MYH11: variants seen among roughly 807,000 people sequenced by gnomAD.
MYH11 encodes myosin heavy chain 11, also known as myosin-11.
MYH11 carries 80 observed loss-of-function variants against 246.6 expected under a neutral mutation model. The observed-to-expected ratio is 0.32, with a 90% confidence interval of 0.27 to 0.39. The LOEUF (loss-of-function observed/expected upper bound fraction) is 0.39. Among genes scored for constraint, MYH11 ranks in the 10% least tolerant of loss-of-function variants. The probability of loss-of-function intolerance (pLI) is 1.00; values close to 1 mark genes in which losing one functional copy is unlikely to be tolerated. For synonymous variants in MYH11, 1,071 were observed against 1,015.5 expected (o/e 1.05, Z -1.04); for missense variants, 2,158 against 2,546.8 (o/e 0.85, Z 3.29).
intron 9 of MYH11, among the ~76,000 whole-genome samples, chr16:15,769,166 AT>A (rs2042045025): frequency 6.6e-6 from 1 of 152,046 alleles, no homozygotes; most frequent in South Asian, 2.1e-4. Context: ...TACAAAAAAA[AT>A]TAGTGGGGCA....
chr16:15,723,197 G>GTAAGT (rs1363069321), intron 31 of MYH11, among the ~76,000 whole-genome samples: 1 of 152,158 alleles, frequency 6.6e-6, no homozygotes, highest in Non-Finnish European at 1.5e-5. Context: ...CTCATCACAT[G>GTAAGT]TAAGTTTTAC....
chr16:15,718,143 C>T (rs905217721), intron 37 of MYH11, 172 bp downstream of exon 37: 4 of 1,009,942 alleles, frequency 4.0e-6, no homozygotes, highest in Admixed American at 4.1e-5. Flanking sequence ...AAGACAGCAG[C>T]CTGGGCACTG....
chr16:15,726,528 G>A (rs1237668021), intron 28 of MYH11: 6 of 428,894 alleles, frequency 1.4e-5, no homozygotes, highest in Non-Finnish European at 2.6e-5. Flanking sequence ...CCACGACCAC[G>A]CCTGGCTAAT....
rs1555457897 is a variant in MYH11, at chr16:15,828,803, A to AAGAAG, written c.346-5393_346-5392insCTTCT. ...GTGAGACTCTAAAAAAAAAAAAAAA[A>AAGAAG]GAAGGAAGGAAGGAAGGAAAGTAAG... On this transcript the variant is annotated intron_variant, in intron 2 of 40. Coordinates refer to ENST00000300036, the MANE Select transcript of MYH11 (RefSeq NM_002474.3). 1.5e-3 allele frequency among the ~76,000 whole-genome samples: 220 copies of AAGAAG among 143,714 alleles called. 3 individuals carry two copies. The South Asian group carries it at 0.02, about 13-fold the overall frequency. The allele number at this position is 143,714 out of a possible 152,430, so 94.3% of individuals were successfully genotyped here.
intron 12 of MYH11, among the ~76,000 whole-genome samples, chr16:15,759,034 G>A (rs2151276242): frequency 6.6e-6 from 1 of 151,844 alleles, no homozygotes; most frequent in South Asian, 2.1e-4. Context: ...CAAACCCATG[G>A]GTAAAGGATC....
chr16:15,728,481 C>A (rs545712114), intron 27 of MYH11, among the ~76,000 whole-genome samples: 32 of 152,302 alleles, frequency 2.1e-4, no homozygotes, highest in African/African-American at 7.5e-4. Flanking sequence ...GGGGCAGTCA[C>A]CTTTCACCGC....
chr16:15,835,744 CTATTT>C (rs779708630), intron 2 of MYH11, among the ~76,000 whole-genome samples: 29 of 130,904 alleles, frequency 2.2e-4, no homozygotes, highest in Admixed American at 8.3e-4. Context: ...GAAGCTGGTA[CTATTT>C]TTTTTTTTTT....
intron 14 of MYH11, among the ~76,000 whole-genome samples, chr16:15,753,785 C>T (rs1443150452): frequency 6.6e-6 from 1 of 152,134 alleles, no homozygotes; most frequent in East Asian, 1.9e-4. Flanking sequence ...GTGGTAGCCT[C>T]CCTCCTCCTA....
At chr16:15,829,452 C>T (rs144512921) in intron 2 of MYH11, among the ~76,000 whole-genome samples, 9 of 152,294 alleles carry the variant, frequency 5.9e-5, no homozygotes, top group East Asian at 1.9e-4. Context: ...GCACATCTCA[C>T]GGCAGGGTCG....
intron 5 of MYH11, among the ~76,000 whole-genome samples, chr16:15,783,904 C>T (rs960445793): frequency 6.6e-6 from 1 of 152,150 alleles, no homozygotes; most frequent in Non-Finnish European, 1.5e-5. Flanking sequence ...TGATCTGCAA[C>T]ACAGTCACCC....
intron 3 of MYH11, among the ~76,000 whole-genome samples, chr16:15,822,091 C>A (rs216153): frequency 0.94 from 142,970 of 152,284 alleles, 67,255 homozygotes; most frequent in East Asian, 1. Context: ...GAGTCTGGCT[C>A]ACTGTCAGAA....
chr16:15,717,173 G>T lies in MYH11; in HGVS notation c.5471C>A (p.Ala1824Glu). The part of the protein sequence containing the change: ...STIAALEAKI[A>E]QLEEQVEQEA... ...CTGCTCGACCTGCTCCTCCAGCTGT[G>T]CAATCTTGGCCTCCAGCGCCGCGAT... The change falls in exon 38 of 41, where the codon GCA becomes GAA. Residue 1824 changes from alanine to glutamate, a missense_variant. Ala to Glu is a moderately radical substitution (Grantham distance 107). Transcript: ENST00000300036. 1 of 1,614,210 alleles carries T rather than the reference G, an allele frequency of 6.2e-7. No homozygotes were observed. The highest frequency in any genetic ancestry group is 8.5e-7 in the Non-Finnish European group (1 of 1,180,038).
chr16:15,727,956 G>A (rs1245170825), intron 27 of MYH11, among the ~76,000 whole-genome samples: 2 of 152,176 alleles, frequency 1.3e-5, no homozygotes, highest in Non-Finnish European at 2.9e-5. Flanking sequence ...GGGCAACAAA[G>A]TGAGACCCTG....
chr16:15,780,474 CTTTTT>C (rs71134460), intron 6 of MYH11, among the ~76,000 whole-genome samples: 3 of 69,000 alleles, frequency 4.3e-5, no homozygotes, highest in African/African-American at 6.1e-5. Flanking sequence ...GATTTTTACG[CTTTTT>C]TTTTTTTTTT....
chr16:15,717,330 C>G lies in MYH11; in HGVS notation c.5314G>C (p.Glu1772Gln), dbSNP rs369969369. ...ATQQAEQLSNELATERSTAQK... is the reference protein window; with the variant it reads ...ATQQAEQLSNQLATERSTAQK... Reference sequence around the variant, plus strand: ...GCCGTGCTGCGCTCTGTGGCCAGCTCGTTGCTGAGCTGCTCGGCCTGGGGA... The same window carrying G: ...GCCGTGCTGCGCTCTGTGGCCAGCTGGTTGCTGAGCTGCTCGGCCTGGGGA... The change falls in exon 38 of 41, where the codon GAG (glutamate) becomes CAG (glutamine). Residue 1772 changes from glutamate to glutamine, a missense_variant. Coordinates refer to ENST00000300036, the MANE Select transcript of MYH11 (RefSeq NM_002474.3). The G allele has an allele frequency of 3.7e-6, 6 of 1,609,030 alleles. No homozygotes were observed. Among genetic ancestry groups the G allele is most frequent in the East Asian group, 4.5e-5 (2 of 44,872 alleles).
At chr16:15,793,748 T>G (rs2042674150) in intron 4 of MYH11, among the ~76,000 whole-genome samples, 1 of 147,548 alleles carries the variant, frequency 6.8e-6, no homozygotes, top group Non-Finnish European at 1.5e-5. Context: ...GCCTCCTGAA[T>G]AGCTGGGACT....
At chr16:15,807,234 C>T (rs929346486) in intron 3 of MYH11, among the ~76,000 whole-genome samples, 2 of 152,102 alleles carry the variant, frequency 1.3e-5, no homozygotes, top group African/African-American at 4.8e-5. Context: ...CTCAAGTGAT[C>T]CTCCCGCCTT....
At chr16:15,830,714 C>T (rs1211154610) in intron 2 of MYH11, among the ~76,000 whole-genome samples, 1 of 151,814 alleles carries the variant, frequency 6.6e-6, no homozygotes, top group African/African-American at 2.4e-5. Context: ...CCCATCTTTA[C>T]AAAAAATACA....
At chr16:15,849,997 G>A (rs1027991019) in intron 1 of MYH11, among the ~76,000 whole-genome samples, 1 of 152,188 alleles carries the variant, frequency 6.6e-6, no homozygotes, top group Non-Finnish European at 1.5e-5. Flanking sequence ...AACTGAGAAT[G>A]TCAGGTTGCT....
Sources: allele counts gnomAD v4.1 joint callset (sites outside exome capture counted in the v4.1 genomes callset), GRCh38; gene constraint gnomAD v4.1.1; transcripts MANE v1.5; gene names NCBI Gene and HGNC (gene_info 2026-07-23, HGNC 2026-07-21).